B3GLCT: variants seen among roughly 807,000 people sequenced by gnomAD.
The protein encoded by B3GLCT is beta-1,3-glucosyltransferase.
B3GLCT carries 65 observed loss-of-function variants against 63.4 expected under a neutral mutation model. That is an observed-to-expected ratio of 1.03 (90% CI 0.84 to 1.26). The LOEUF is 1.26. Among genes scored for constraint, B3GLCT ranks in the 50% most tolerant of loss-of-function variants. B3GLCT has a pLI of 0.00. For missense variants in B3GLCT, 577 were observed against 604.8 expected, an observed-to-expected ratio of 0.95 and a Z score of 0.48; for synonymous variants, 233 against 219.2, an observed-to-expected ratio of 1.06 and a Z score of -0.55.
intron 13 of B3GLCT, among the ~76,000 whole-genome samples, chr13:31,318,821 T>C (rs972985132): frequency 6.6e-6 from 1 of 152,236 alleles, no homozygotes; most frequent in Non-Finnish European, 1.5e-5. Context: ...CTGTTATTTG[T>C]ATATGGGTTT....
intron 3 of B3GLCT, 74 bp downstream of exon 3, chr13:31,223,065 A>AT (rs1209523642): frequency 1.5e-5 from 15 of 1,021,994 alleles, no homozygotes; most frequent in Non-Finnish European, 2.0e-5. Flanking sequence ...CCATGAAGTG[A>AT]TTTTTTTCTG....
chr13:31,316,694 C>G (rs1035112958), intron 12 of B3GLCT, among the ~76,000 whole-genome samples: 1 of 151,834 alleles, frequency 6.6e-6, no homozygotes, highest in African/African-American at 2.4e-5. Context: ...AGGGACGTTT[C>G]TAATTGGTGT....
At chr13:31,267,803 G>A (rs1226529166) in intron 7 of B3GLCT, among the ~76,000 whole-genome samples, 2 of 151,858 alleles carry the variant, frequency 1.3e-5, no homozygotes, top group South Asian at 2.1e-4. Flanking sequence ...GAAAAAAATG[G>A]AAACTTACTA....
rs953125276 is a variant in B3GLCT, at chr13:31,331,583, G to C, written c.*1915G>C. The C allele has an allele frequency of 1.3e-5, 2 of 151,822 alleles. No individual in the cohort carries two copies. The highest frequency in any genetic ancestry group is 2.9e-5 in the Non-Finnish European group (2 of 67,994). The allele number at this position is 151,822 out of a possible 1,614,324, so 9.4% of individuals were successfully genotyped here. A position where few individuals can be genotyped will look rare whatever the true frequency, so the allele number is the denominator to read the frequency against. On this transcript the variant is annotated 3_prime_UTR_variant, in exon 15 of 15. Transcript: ENST00000343307. ...AGACTGGGAATGGGGAGGGGAAATG[G>C]GGAAAATGAATGAATGAAATCAGAA...
intron 1 of B3GLCT, among the ~76,000 whole-genome samples, chr13:31,214,405 T>G (rs1245639922): frequency 6.6e-6 from 1 of 152,256 alleles, no homozygotes; most frequent in Non-Finnish European, 1.5e-5. Context: ...AGCCTAAATG[T>G]GGCTCTAGGG....
chr13:31,314,549 A>G (rs1057470153), intron 12 of B3GLCT, among the ~76,000 whole-genome samples: 25 of 152,256 alleles, frequency 1.6e-4, no homozygotes, highest in African/African-American at 5.8e-4. Flanking sequence ...TCTCCTATTC[A>G]GAATGGCTGT....
At chr13:31,316,397 T>A (rs1269791530) in intron 12 of B3GLCT, among the ~76,000 whole-genome samples, 1 of 43,032 alleles carries the variant, frequency 2.3e-5, no homozygotes, top group Non-Finnish European at 5.4e-5. Flanking sequence ...TCAAGGAGAT[T>A]TTGGAGGTTT....
At chr13:31,280,416 G>A (rs561397723) in intron 10 of B3GLCT, among the ~76,000 whole-genome samples, 1 of 152,234 alleles carries the variant, frequency 6.6e-6, no homozygotes, top group African/African-American at 2.4e-5. Flanking sequence ...CAGTAACAAA[G>A]GCCAAATGAT....
chr13:31,289,232 C>T lies in B3GLCT; in HGVS notation c.1064+2413C>T, dbSNP rs192069512. Among the ~76,000 whole-genome samples, 176 of 152,108 alleles carry T rather than the reference C, an allele frequency of 1.2e-3. 1 individual carries two copies. The highest frequency in any genetic ancestry group is 1.9e-3 in the Non-Finnish European group (127 of 67,990). ...AAAATGAAAAAGAATGAAAACAGCCCTCAAGATGTCTAGGACTACACAAAA... is the reference window on the plus strand; with the variant it reads ...AAAATGAAAAAGAATGAAAACAGCCTTCAAGATGTCTAGGACTACACAAAA... On this transcript the variant is annotated intron_variant, in intron 12 of 14. Transcript: ENST00000343307.
At chr13:31,220,718 C>T (rs1013504360) in intron 2 of B3GLCT, among the ~76,000 whole-genome samples, 14 of 152,182 alleles carry the variant, frequency 9.2e-5, no homozygotes, top group African/African-American at 3.4e-4. Context: ...CTTGAAATGG[C>T]TAATCATTTC....
At chr13:31,211,813 CA>C (rs1449817994) in intron 1 of B3GLCT, among the ~76,000 whole-genome samples, 1 of 152,164 alleles carries the variant, frequency 6.6e-6, no homozygotes, top group Non-Finnish European at 1.5e-5. Context: ...TACTTACTCA[CA>C]AAAGGTGATA....
At chr13:31,284,327 G>A (rs922813372) in intron 10 of B3GLCT, among the ~76,000 whole-genome samples, 1 of 151,778 alleles carries the variant, frequency 6.6e-6, no homozygotes, top group African/African-American at 2.4e-5. Flanking sequence ...CGTGCTCCGT[G>A]GTAAAAGAAA....
chr13:31,285,238 G>T (rs1956823721), intron 11 of B3GLCT, among the ~76,000 whole-genome samples: 1 of 152,002 alleles, frequency 6.6e-6, no homozygotes, highest in African/African-American at 2.4e-5. Flanking sequence ...TCTTCAAATT[G>T]CAGGCTTTCT....
chr13:31,310,855 C>G (rs1286038724), intron 12 of B3GLCT, among the ~76,000 whole-genome samples: 2 of 152,206 alleles, frequency 1.3e-5, no homozygotes, highest in Non-Finnish European at 2.9e-5. Flanking sequence ...GATGCTGGCA[C>G]CCAAGGCAGA....
At position 31,330,315 on chromosome 13, in the gene B3GLCT, T is replaced by C. The variant is rs1434777291; in HGVS notation, c.*647T>C. On this transcript the variant is annotated 3_prime_UTR_variant, in exon 15 of 15. Transcript: ENST00000343307. ...CTGTTTGTGCCTCATAAAAAGAGAATGAGGTCTTCTGCTAGAGCTTCGTAT... is the reference window on the plus strand; with the variant it reads ...CTGTTTGTGCCTCATAAAAAGAGAACGAGGTCTTCTGCTAGAGCTTCGTAT... 1 of 152,324 alleles carries C rather than the reference T, an allele frequency of 6.6e-6. No homozygotes were observed. The highest frequency in any genetic ancestry group is 2.4e-5 in the African/African-American group (1 of 41,448). The allele number at this position is 152,324 out of a possible 1,614,324, so 9.4% of individuals were successfully genotyped here.
intron 4 of B3GLCT, among the ~76,000 whole-genome samples, chr13:31,230,469 G>A (rs918955817): frequency 1.3e-5 from 2 of 152,320 alleles, no homozygotes; most frequent in Admixed American, 1.3e-4. Context: ...GGTCAGAAAT[G>A]TCAGTGGAAA....
chr13:31,329,353 C>G (rs984548401), intron 14 of B3GLCT, 148 bp from the exon 15 acceptor site: 1 of 857,486 alleles, frequency 1.2e-6, no homozygotes, highest in Non-Finnish European at 1.9e-6. Context: ...AGAAAGATAT[C>G]AGAAAATAGT....
chr13:31,201,088 T>G (rs1593239650), intron 1 of B3GLCT, among the ~76,000 whole-genome samples: 1 of 151,878 alleles, frequency 6.6e-6, no homozygotes, highest in African/African-American at 2.4e-5. Context: ...AGCGAAAAAT[T>G]ATTTTTTTTT....
chr13:31,239,028 G>A (rs914578746), intron 4 of B3GLCT, among the ~76,000 whole-genome samples: 2 of 152,202 alleles, frequency 1.3e-5, no homozygotes, highest in Admixed American at 6.5e-5. Context: ...ATGAGCTGGA[G>A]GACATAGGTT....
Sources: allele counts gnomAD v4.1 joint callset (sites outside exome capture counted in the v4.1 genomes callset), GRCh38; gene constraint gnomAD v4.1.1; transcripts MANE v1.5; gene names NCBI Gene and HGNC (gene_info 2026-07-23, HGNC 2026-07-21).